DIAPH2: variants seen among roughly 807,000 people sequenced by gnomAD.
The protein encoded by DIAPH2 is protein diaphanous homolog 2.
A neutral mutation model predicts 92.7 loss-of-function variants in DIAPH2; 35 were observed. That is an observed-to-expected ratio of 0.38 (90% confidence interval 0.29 to 0.50). The LOEUF (loss-of-function observed/expected upper bound fraction) is 0.50, where lower values mean the gene tolerates loss of function less well. Among genes scored for constraint, DIAPH2 ranks in the 20% least tolerant of loss-of-function variants. The pLI is 0.94. For synonymous variants in DIAPH2, 301 were observed against 280.4 expected (o/e 1.07, Z -0.73); for missense variants, 701 against 819.5 (o/e 0.86, Z 1.77).
chrX:97,174,623 C>T (rs897509687), intron 22 of DIAPH2, among the ~76,000 whole-genome samples: 1 of 111,900 alleles, frequency 8.9e-6, no homozygotes, highest in African/African-American at 3.2e-5. Context: ...TCCCAGGAAA[C>T]ATTAAAATTG....
chrX:96,992,195 A>C (rs1260147872), intron 17 of DIAPH2, among the ~76,000 whole-genome samples: 1 of 111,238 alleles, frequency 9.0e-6, no homozygotes, highest in Non-Finnish European at 1.9e-5. Flanking sequence ...CTAGCCTGAA[A>C]TGTTAATATG....
Position 96,945,540 on chromosome X carries a change from C to T in DIAPH2, c.1458C>T (p.Asn486=). 2.6e-6 allele frequency: 3 copies of T among 1,160,087 alleles called. No individual in the cohort carries two copies. Among genetic ancestry groups the T allele is most frequent in the Non-Finnish European group, 3.4e-6 (3 of 876,091 alleles). Residue 486 remains asparagine (N), a synonymous_variant, in exon 14 of 27, where the codon AAC becomes AAT. Transcript: ENST00000324765. The part of the protein sequence containing the change: ...DLTHLIDSCV[N]KAKVEESEQK... The stretch of plus-strand genomic sequence containing the variant: ...TGATCTTAATAGATTCTTGTGTGAA[C>T]AAGGCGAAAGTTGAAGAAAGTGAAC...
At chrX:96,735,231 G>A (rs1209465084) in intron 1 of DIAPH2, among the ~76,000 whole-genome samples, 1 of 111,324 alleles carries the variant, frequency 9.0e-6, no homozygotes, top group Non-Finnish European at 1.9e-5. Flanking sequence ...TTATTTATAA[G>A]GATAGTTTTT....
At chrX:96,940,878 C>T (rs1286633673) in intron 12 of DIAPH2, among the ~76,000 whole-genome samples, 2 of 111,079 alleles carry the variant, frequency 1.8e-5, no homozygotes, top group African/African-American at 6.5e-5. Flanking sequence ...AAGTTATCCT[C>T]ATATGGCATG....
intron 9 of DIAPH2, among the ~76,000 whole-genome samples, chrX:96,920,054 T>A (rs1032680574): frequency 9.1e-6 from 1 of 110,028 alleles, no homozygotes; most frequent in Non-Finnish European, 1.9e-5. Context: ...CTAATTTTTT[T>A]ATTTTTAGTA....
At chrX:96,916,081 C>T (rs2065501643) in intron 7 of DIAPH2, among the ~76,000 whole-genome samples, 1 of 111,826 alleles carries the variant, frequency 8.9e-6, no homozygotes, top group African/African-American at 3.2e-5. Flanking sequence ...TTCCAGACAT[C>T]TCCAGGGAGA....
At chrX:97,443,346 T>C (rs1230303682) in intron 26 of DIAPH2, among the ~76,000 whole-genome samples, 4 of 112,345 alleles carry the variant, frequency 3.6e-5, no homozygotes, top group Admixed American at 2.8e-4. Context: ...TAAAGATATA[T>C]TGATAGATGA....
intron 4 of DIAPH2, among the ~76,000 whole-genome samples, chrX:96,830,265 A>T (rs1165924403): frequency 9.0e-6 from 1 of 111,426 alleles, no homozygotes; most frequent in African/African-American, 3.3e-5. Context: ...ATATACAAAG[A>T]TTTTTTACAA....
At chrX:96,692,989 G>A (rs1474237508) in intron 1 of DIAPH2, among the ~76,000 whole-genome samples, 1 of 111,968 alleles carries the variant, frequency 8.9e-6, no homozygotes, top group Non-Finnish European at 1.9e-5. Flanking sequence ...TTCTTATTGA[G>A]ATGTTTGTGG....
intron 17 of DIAPH2, among the ~76,000 whole-genome samples, chrX:97,046,163 A>G (rs1221359733): frequency 8.7e-5 from 9 of 103,416 alleles, no homozygotes; most frequent in South Asian, 4.4e-4. Flanking sequence ...AGCCTATTTT[A>G]TGTGGTTTTT....
intron 22 of DIAPH2, among the ~76,000 whole-genome samples, chrX:97,239,880 C>G (rs1467436636): frequency 9.2e-6 from 1 of 108,655 alleles, no homozygotes; most frequent in African/African-American, 3.4e-5. Context: ...CTCTTTCTCA[C>G]ACACACACAC....
intron 19 of DIAPH2, among the ~76,000 whole-genome samples, chrX:97,079,560 T>G (rs903072838): frequency 7.2e-5 from 8 of 111,235 alleles, no homozygotes; most frequent in Non-Finnish European, 1.1e-4. Context: ...AACATTACAT[T>G]GGAAAATGTA....
intron 22 of DIAPH2, among the ~76,000 whole-genome samples, chrX:97,190,532 C>T (rs1486516981): frequency 2.7e-5 from 3 of 111,950 alleles, no homozygotes; most frequent in African/African-American, 9.7e-5. Flanking sequence ...GATGCTGTCC[C>T]ATGTTGCTCC....
intron 17 of DIAPH2, among the ~76,000 whole-genome samples, chrX:97,040,294 A>T (rs1286655966): frequency 2.7e-5 from 3 of 109,701 alleles, no homozygotes; most frequent in African/African-American, 9.9e-5. Context: ...AGATCTCTCA[A>T]CAGTTTTGCC....
chrX:96,913,304 T>C (rs2065480919), intron 7 of DIAPH2, among the ~76,000 whole-genome samples: 1 of 111,753 alleles, frequency 8.9e-6, no homozygotes, highest in South Asian at 3.7e-4. Flanking sequence ...TTCTTTCATG[T>C]GAACAGAGGT....
chrX:96,893,067 A>G (rs902276472), intron 5 of DIAPH2, among the ~76,000 whole-genome samples: 2 of 112,016 alleles, frequency 1.8e-5, no homozygotes, highest in Non-Finnish European at 3.8e-5. Flanking sequence ...ATTTCGAGTT[A>G]TATGAACTAA....
intron 1 of DIAPH2, among the ~76,000 whole-genome samples, chrX:96,712,104 C>T (rs747248402): frequency 4.9e-4 from 54 of 111,280 alleles, no homozygotes; most frequent in African/African-American, 1.7e-3. Context: ...TTAGCTACAT[C>T]ACTATGCTGG....
At chrX:97,187,425 A>T (rs2067616969) in intron 22 of DIAPH2, among the ~76,000 whole-genome samples, 1 of 106,149 alleles carries the variant, frequency 9.4e-6, no homozygotes, top group African/African-American at 3.4e-5. Context: ...ACAGGAGTAC[A>T]CCACCATGCC....
intron 23 of DIAPH2, among the ~76,000 whole-genome samples, chrX:97,339,543 G>A (rs999236050): frequency 2.7e-5 from 3 of 111,081 alleles, no homozygotes; most frequent in Non-Finnish European, 3.8e-5. Flanking sequence ...ATAAAAATGC[G>A]TTGTGGGACT....
Sources: gnomAD v4.1 joint callset for allele counts (sites outside exome capture counted in the v4.1 genomes callset) on GRCh38, gnomAD v4.1.1 for gene constraint, MANE v1.5 for transcripts, NCBI Gene and HGNC (gene_info 2026-07-23, HGNC 2026-07-21) for gene names.